Variants in CDK14 observed in about 807,000 individuals in gnomAD.
CDK14 encodes cyclin dependent kinase 14.
Under a neutral mutation model 60.7 loss-of-function variants are expected in CDK14, and 34 were observed. The observed-to-expected ratio is 0.56, with a 90% CI of 0.43 to 0.75. The LOEUF is 0.75. CDK14 is among the 30% of genes least tolerant of loss of function. CDK14 has a pLI of 0.00. For missense variants in CDK14, 482 were observed against 564.1 expected (o/e 0.85, Z 1.47); for synonymous variants, 197 against 203.7 (o/e 0.97, Z 0.28).
intron 5 of CDK14, among the ~76,000 whole-genome samples, chr7:90,834,336 C>T (rs568505289): frequency 6.6e-6 from 1 of 152,156 alleles, no homozygotes; most frequent in East Asian, 1.9e-4. Context: ...TTTGTTAAAA[C>T]AATGGGAGTA....
At chr7:90,757,256 G>GTC (rs34093345) in intron 4 of CDK14, among the ~76,000 whole-genome samples, 4,241 of 147,026 alleles carry the variant, frequency 0.029, 162 homozygotes, top group East Asian at 0.24. Context: ...GTGTGTCTGT[G>GTC]TGTGTCTGTG....
At chr7:90,914,941 C>A (rs143942992) in intron 7 of CDK14, among the ~76,000 whole-genome samples, 1 of 152,244 alleles carries the variant, frequency 6.6e-6, no homozygotes, top group Non-Finnish European at 1.5e-5. Context: ...ATAGTTAAAG[C>A]AGACAGCTTA....
chr7:91,086,212 G>T (rs1041596257), intron 12 of CDK14, among the ~76,000 whole-genome samples: 1 of 152,074 alleles, frequency 6.6e-6, no homozygotes, highest in African/African-American at 2.4e-5. Context: ...TCTTTTATTT[G>T]TAAACACCCT....
At chr7:91,004,125 T>A (rs1038233362) in intron 10 of CDK14, among the ~76,000 whole-genome samples, 1 of 152,060 alleles carries the variant, frequency 6.6e-6, no homozygotes, top group African/African-American at 2.4e-5. Context: ...CAAATTAAAT[T>A]GAAAGCAAGC....
chr7:90,895,140 G>T (rs1205498904), intron 6 of CDK14, among the ~76,000 whole-genome samples: 2 of 152,022 alleles, frequency 1.3e-5, no homozygotes, highest in Non-Finnish European at 2.9e-5. Flanking sequence ...AAAACAGTCT[G>T]AATTCAGTAC....
chr7:91,069,168 T>C (rs2116167952), intron 11 of CDK14, among the ~76,000 whole-genome samples: 1 of 152,328 alleles, frequency 6.6e-6, no homozygotes, highest in East Asian at 1.9e-4. Context: ...TATCCAATGG[T>C]ATTCTTGTAC....
chr7:91,194,353 C>T (rs947878430), intron 14 of CDK14, among the ~76,000 whole-genome samples: 2 of 152,102 alleles, frequency 1.3e-5, no homozygotes, highest in Non-Finnish European at 2.9e-5. Context: ...TCATGCGTGA[C>T]ATCTCACACA....
At chr7:90,659,837 T>TTC (rs58582287) in intron 2 of CDK14, among the ~76,000 whole-genome samples, 3,628 of 110,382 alleles carry the variant, frequency 0.033, 94 homozygotes, top group African/African-American at 0.061. Flanking sequence ...CAGGGAATGC[T>TTC]TCTCTCTCTC....
intron 8 of CDK14, among the ~76,000 whole-genome samples, chr7:90,925,181 A>G (rs1011987722): frequency 1.3e-5 from 2 of 152,226 alleles, no homozygotes; most frequent in African/African-American, 4.8e-5. Context: ...CTGTCAAGAT[A>G]TTTGGCACTC....
rs926981049 is a variant in CDK14 at position 90,963,125 on chromosome 7, T to G, written c.947+7308T>G. ...TGTGTGTGTGTGTGTGTGTGTGTGT[T>G]TTAATTTAGAAATATATAGGCAGGA... On this transcript the variant is annotated intron_variant, in intron 9 of 14. Coordinates refer to ENST00000380050, the MANE Select transcript of CDK14 (RefSeq NM_001287135.2). 6.3e-4 allele frequency among the ~76,000 whole-genome samples: 42 copies of G among 66,664 alleles called. No homozygotes were observed. In the East Asian group the frequency reaches 0.033, roughly 53 times the overall value. 43.7% of individuals were successfully genotyped at this position (66,664 alleles called of 152,430 possible).
At chr7:91,161,100 G>A (rs1023143189) in intron 14 of CDK14, among the ~76,000 whole-genome samples, 1 of 152,150 alleles carries the variant, frequency 6.6e-6, no homozygotes, top group African/African-American at 2.4e-5. Flanking sequence ...ATGGGCAATT[G>A]GTGTCAAAAT....
intron 14 of CDK14, among the ~76,000 whole-genome samples, chr7:91,142,602 G>C (rs1203943401): frequency 1.3e-5 from 2 of 152,202 alleles, no homozygotes; most frequent in African/African-American, 2.4e-5. Context: ...TTGAGCTGCT[G>C]TCTGAGAACT....
At chr7:90,987,568 T>C (rs1027544443) in intron 10 of CDK14, among the ~76,000 whole-genome samples, 2 of 152,112 alleles carry the variant, frequency 1.3e-5, no homozygotes, top group East Asian at 1.9e-4. Context: ...TCTTTTGACA[T>C]TAAATGTTAT....
At chr7:91,074,234 A>G (rs890301900) in intron 11 of CDK14, among the ~76,000 whole-genome samples, 4 of 152,204 alleles carry the variant, frequency 2.6e-5, no homozygotes, top group African/African-American at 9.6e-5. Context: ...TCAGAAAACA[A>G]CTAAATAATT....
At chr7:90,835,744 A>T (rs77014446) in intron 5 of CDK14, among the ~76,000 whole-genome samples, 6 of 152,158 alleles carry the variant, frequency 3.9e-5, no homozygotes, top group Non-Finnish European at 7.3e-5. Flanking sequence ...GCATCACTTA[A>T]TAACAGAGTG....
chr7:91,122,471 G>A lies in CDK14; in HGVS notation c.*28+4263G>A, dbSNP rs138367473. ...AAGACTGTGGCAGCACTGTCTGAAC[G>A]TTAGTAGAATGGTGGTTCTTACTCG... is the stretch of plus-strand genomic sequence containing the variant. On this transcript the variant is annotated intron_variant, in intron 14 of 14. Transcript: ENST00000380050. Among the ~76,000 whole-genome samples, 509 of 152,242 alleles carry A rather than the reference G, an allele frequency of 3.3e-3. 2 individuals carry two copies. Among genetic ancestry groups the A allele is most frequent in the African/African-American group, 0.012 (486 of 41,544 alleles).
intron 3 of CDK14, among the ~76,000 whole-genome samples, chr7:90,743,394 G>C (rs1803433926): frequency 6.6e-6 from 1 of 152,078 alleles, no homozygotes. Flanking sequence ...AAAGCAACTT[G>C]AAATGTTTTT....
intron 14 of CDK14, among the ~76,000 whole-genome samples, chr7:91,147,816 G>T (rs16868137): frequency 0.023 from 3,519 of 152,088 alleles, 128 homozygotes; most frequent in African/African-American, 0.08. Flanking sequence ...CAACCCTTTG[G>T]TATGATAATA....
intron 2 of CDK14, among the ~76,000 whole-genome samples, chr7:90,711,246 T>G (rs1409687489): frequency 1.3e-5 from 2 of 152,066 alleles, no homozygotes; most frequent in African/African-American, 4.8e-5. Context: ...GTAAATTTCT[T>G]TAAATGGTGC....
Sources: allele counts gnomAD v4.1 joint callset (sites outside exome capture counted in the v4.1 genomes callset), GRCh38; gene constraint gnomAD v4.1.1; transcripts MANE v1.5; gene names NCBI Gene and HGNC (gene_info 2026-07-23, HGNC 2026-07-21).